PSMA6: variants seen among roughly 807,000 people sequenced by gnomAD.
PSMA6 encodes proteasome 20S subunit alpha 6, also known as proteasome subunit alpha type-6.
For synonymous variants in PSMA6, 88 were observed against 97.7 expected, an observed-to-expected ratio of 0.90 and a Z score of 0.59; for missense variants, 170 against 294.8, an observed-to-expected ratio of 0.58 and a Z score of 3.10.
At chr14:35,311,957 G>C (rs1416463157) in intron 4 of PSMA6, among the ~76,000 whole-genome samples, 3 of 151,958 alleles carry the variant, frequency 2.0e-5, no homozygotes, top group Non-Finnish European at 2.9e-5. Flanking sequence ...AGTATTTCTT[G>C]GTCAAACAAA....
chr14:35,307,554 C>T (rs372757460), intron 1 of PSMA6, among the ~76,000 whole-genome samples: 1 of 151,946 alleles, frequency 6.6e-6, no homozygotes, highest in Non-Finnish European at 1.5e-5. Flanking sequence ...GCCAACACAG[C>T]GAAACCCCGT....
intron 3 of PSMA6, among the ~76,000 whole-genome samples, chr14:35,309,954 G>A (rs1392789777): frequency 6.6e-6 from 1 of 151,782 alleles, no homozygotes; most frequent in Non-Finnish European, 1.5e-5. Flanking sequence ...CCTGGGCAAC[G>A]GAGCAAGACT....
intron 3 of PSMA6, among the ~76,000 whole-genome samples, 161 bp from the exon 4 acceptor site, chr14:35,310,579 G>C (rs984205051): frequency 2.0e-5 from 3 of 152,172 alleles, no homozygotes; most frequent in Non-Finnish European, 4.4e-5. Context: ...ACTTGTTGAT[G>C]AGTTATTTAG....
upstream of PSMA6, among the ~76,000 whole-genome samples, chr14:35,289,915 C>CAAAAAAAAAAAA (rs750610944): frequency 2.5e-5 from 2 of 79,652 alleles, 1 homozygote; most frequent in Non-Finnish European, 4.8e-5. Flanking sequence ...TACCGCATTT[C>CAAAAAAAAAAAA]AAAAAAAAAA....
intron 4 of PSMA6, among the ~76,000 whole-genome samples, chr14:35,312,486 G>C (rs2051961966): frequency 7.8e-6 from 1 of 128,226 alleles, no homozygotes; most frequent in Non-Finnish European, 1.5e-5. Context: ...CAGCCTGGGA[G>C]ACAGAGCGAG....
rs758651038 is a variant in PSMA6 at position 35,285,339 on chromosome 14, C to CA, written c.19+6629dup. ...AGAGTGACAGAGCAAAACTCTATCT[C>CA]AAAAAAAACAAAAAACAAAAAAAAA... On this transcript the variant is annotated intron_variant, in intron 1 of 6. Coordinates refer to the PSMA6 transcript ENST00000540871. Among the ~76,000 whole-genome samples, 229 of 54,534 alleles carry CA rather than the reference C, an allele frequency of 4.2e-3. 6 individuals carry two copies. Among genetic ancestry groups the CA allele is most frequent in the Middle Eastern group, 0.016 (2 of 122 alleles). 35.8% of individuals were successfully genotyped at this position (54,534 alleles called of 152,430 possible). A position where few individuals can be genotyped will look rare whatever the true frequency, so the allele number is the denominator to read the frequency against.
At chr14:35,288,148 G>C (rs1312131899), upstream of PSMA6, among the ~76,000 whole-genome samples, 3 of 152,150 alleles carry the variant, frequency 2.0e-5, no homozygotes, top group African/African-American at 7.2e-5. Context: ...CAAATGATTG[G>C]AGTGCTTACC....
chr14:35,280,174 T>C (rs770099353), intron 1 of PSMA6, among the ~76,000 whole-genome samples: 1 of 150,196 alleles, frequency 6.7e-6, no homozygotes, highest in African/African-American at 2.5e-5. Flanking sequence ...GCGCAATGGC[T>C]CACGCCTGTA....
At chr14:35,299,777 AATT>A (rs1209798444) in intron 1 of PSMA6, among the ~76,000 whole-genome samples, 3 of 152,200 alleles carry the variant, frequency 2.0e-5, no homozygotes. Flanking sequence ...TTTTTCTGGA[AATT>A]ATTATAAAAC....
chr14:35,292,326 G>A, upstream of PSMA6: 1 of 1,475,466 alleles, frequency 6.8e-7, no homozygotes, highest in Non-Finnish European at 9.0e-7. Flanking sequence ...TGCTCGAACT[G>A]GCTCCAGAGC....
At chr14:35,288,201 A>C (rs1020090443), upstream of PSMA6, among the ~76,000 whole-genome samples, 7 of 152,270 alleles carry the variant, frequency 4.6e-5, no homozygotes, top group Admixed American at 1.3e-4. Context: ...ACTGGTGAAC[A>C]AAACAGATGT....
chr14:35,291,927 T>C (rs1170058084), upstream of PSMA6, among the ~76,000 whole-genome samples: 2 of 152,066 alleles, frequency 1.3e-5, no homozygotes, highest in African/African-American at 4.8e-5. Context: ...CAGCGGCTGC[T>C]TGAACCCGCT....
At chr14:35,298,041 A>G (rs1013334993) in intron 1 of PSMA6, among the ~76,000 whole-genome samples, 2 of 152,228 alleles carry the variant, frequency 1.3e-5, no homozygotes, top group Non-Finnish European at 1.5e-5. Context: ...GGGTTCAACC[A>G]TGAAACTGCT....
At chr14:35,284,645 C>T (rs1238407354) in intron 1 of PSMA6, among the ~76,000 whole-genome samples, 1 of 152,148 alleles carries the variant, frequency 6.6e-6, no homozygotes, top group Non-Finnish European at 1.5e-5. Flanking sequence ...ATTTTTACCT[C>T]TAATGCCTAC....
chr14:35,315,922 A>C (rs1219476405), intron 6 of PSMA6: 1 of 152,236 alleles, frequency 6.6e-6, no homozygotes, highest in Admixed American at 6.5e-5. Flanking sequence ...AAATAATTAC[A>C]GTACATAGCA....
upstream of PSMA6, among the ~76,000 whole-genome samples, chr14:35,287,904 G>A (rs1028106071): frequency 2.1e-5 from 3 of 140,392 alleles, no homozygotes; most frequent in Non-Finnish European, 4.6e-5. Flanking sequence ...ACATATTCAC[G>A]AAGTCGGCTT....
intron 1 of PSMA6, among the ~76,000 whole-genome samples, chr14:35,286,688 C>G (rs904190675): frequency 1.1e-4 from 16 of 152,262 alleles, no homozygotes; most frequent in African/African-American, 3.9e-4. Flanking sequence ...TTTATTCCCT[C>G]TCAAACCAAA....
At chr14:35,295,363 A>G (rs1485134629) in intron 1 of PSMA6, among the ~76,000 whole-genome samples, 1 of 151,984 alleles carries the variant, frequency 6.6e-6, no homozygotes, top group Non-Finnish European at 1.5e-5. Flanking sequence ...TGTAATGCCA[A>G]TCATAATTAT....
At chr14:35,279,077 C>T (rs529146580) in intron 1 of PSMA6, among the ~76,000 whole-genome samples, 1 of 152,044 alleles carries the variant, frequency 6.6e-6, no homozygotes, top group African/African-American at 2.4e-5. Flanking sequence ...GATGGAGTTT[C>T]GCTCTTCTCG....
Sources: gnomAD v4.1 joint callset for allele counts (sites outside exome capture counted in the v4.1 genomes callset) on GRCh38, gnomAD v4.1.1 for gene constraint, MANE v1.5 for transcripts, NCBI Gene and HGNC (gene_info 2026-07-23, HGNC 2026-07-21) for gene names.